TRERF1: variants seen among roughly 807,000 people sequenced by gnomAD.
The protein encoded by TRERF1 is transcriptional regulating factor 1.
In TRERF1, 27 loss-of-function variants were observed where a neutral mutation model predicts 122.9. The observed-to-expected ratio is 0.22, with a 90% CI of 0.16 to 0.30. The LOEUF (loss-of-function observed/expected upper bound fraction) is 0.30. Among genes scored for constraint, TRERF1 ranks in the 10% least tolerant of loss-of-function variants. TRERF1 has a pLI of 1.00. For missense variants in TRERF1, 1,248 were observed against 1,560.3 expected, an observed-to-expected ratio of 0.80 and a Z score of 3.37; for synonymous variants, 636 against 641.7, an observed-to-expected ratio of 0.99 and a Z score of 0.13.
chr6:42,434,989 G>T (rs1049426219), intron 2 of TRERF1, among the ~76,000 whole-genome samples: 10 of 152,108 alleles, frequency 6.6e-5, no homozygotes. Context: ...AGTTAGCTGG[G>T]CGTGGTGGTG....
intron 5 of TRERF1, 39 bp from the exon 6 acceptor site, chr6:42,265,836 G>GA (rs1476396838): frequency 1.2e-6 from 2 of 1,605,944 alleles, no homozygotes; most frequent in South Asian, 1.1e-5. Flanking sequence ...AAAAAGAAGA[G>GA]AAAAAAACGT....
Position 42,268,776 on chromosome 6 carries a change from G to T in TRERF1, c.815C>A (p.Pro272Gln), listed in dbSNP as rs145029506. The change falls in exon 5 of 18, where the codon CCG (proline) becomes CAG (glutamine). Residue 272 changes from proline to glutamine, a missense_variant. Pro to Gln is a moderately conservative substitution (Grantham distance 76). Around this residue, in one of 5 missense-constraint regions of TRERF1, gnomAD observed 946 missense variants for 1,073.0 expected, o/e 0.88. Transcript: ENST00000372922. This position sits in a 1 kb window ranked among gnomAD's most constrained non-coding sequence, Gnocchi z 4.4. ...TTGCCCGGCTTGCTGCTGTTGCTGCGGTGGGTAATACTGGTGCTGCTGCAT... is the reference window on the plus strand; with the variant it reads ...TTGCCCGGCTTGCTGCTGTTGCTGCTGTGGGTAATACTGGTGCTGCTGCAT... The T allele has an allele frequency of 8.5e-4, 1,370 of 1,613,982 alleles. 12 individuals carry two copies. The highest frequency in any genetic ancestry group is 1.4e-3 in the Admixed American group (86 of 60,000).
chr6:42,412,840 G>A (rs1225626797), intron 2 of TRERF1, among the ~76,000 whole-genome samples: 1 of 152,184 alleles, frequency 6.6e-6, no homozygotes, highest in African/African-American at 2.4e-5. Flanking sequence ...CAGCTACTAG[G>A]GAGGCTGAGG....
In TRERF1 at chr6:42,340,015, G is replaced by A. The variant is rs145895514; in HGVS notation, c.-371+22982C>T. 4.4e-3 allele frequency among the ~76,000 whole-genome samples: 664 copies of A among 152,260 alleles called. 3 individuals carry two copies. Among genetic ancestry groups the A allele is most frequent in the Non-Finnish European group, 5.9e-3 (404 of 68,006 alleles). On this transcript the variant is annotated intron_variant, in intron 3 of 17. Coordinates refer to ENST00000372922, the Ensembl canonical transcript of TRERF1. The stretch of plus-strand genomic sequence containing the variant: ...TATGAAGTGCTCAAAGGCAAGAACT[G>A]TGTCCAAATGGCACCACGTCTTTCC...
chr6:42,262,626 G>C (rs1390100255), intron 8 of TRERF1, among the ~76,000 whole-genome samples: 1 of 60,798 alleles, frequency 1.6e-5, no homozygotes, highest in Non-Finnish European at 4.0e-5. Flanking sequence ...CCTTCCCAGA[G>C]GCAAATTAAG....
chr6:42,323,194 G>GT lies in TRERF1; in HGVS notation c.-370-22446dup, dbSNP rs369315779. Among the ~76,000 whole-genome samples the GT allele has an allele frequency of 6.0e-3, 846 of 141,252 alleles. 1 individual carries two copies. Among genetic ancestry groups the GT allele is most frequent in the Admixed American group, 6.4e-3 (90 of 14,088 alleles). The allele number at this position is 141,252 out of a possible 152,430, so 92.7% of individuals were successfully genotyped here. On this transcript the variant is annotated intron_variant, in intron 3 of 17. Transcript: ENST00000372922. ...ATAAAGGAGGTGCAACTTTCCCCCA[G>GT]TTTTTTTTTTTTTTTTCCTTTTGAG...
In TRERF1 at chr6:42,416,203, T is replaced by G. The variant is rs562356856; in HGVS notation, c.-454+34974A>C. Among the ~76,000 whole-genome samples, 12 of 152,300 alleles carry G rather than the reference T, an allele frequency of 7.9e-5. No homozygotes were observed. In the East Asian group the frequency reaches 2.3e-3, roughly 29 times the overall value. ...TCTTGTTTGTCTTTTAGTTTTGCCT[T>G]TTCCTTCTAGGTTTTATACCTCTTA... On this transcript the variant is annotated intron_variant, in intron 2 of 17. Transcript: ENST00000372922.
chr6:42,259,687 C>G lies in TRERF1; in HGVS notation c.1921G>C (p.Ala641Pro), dbSNP rs755753614. ...TGCACGGTCTTGAGGGGCTCCTCGG[C>G]TTTGGGCACACTCGGCTGATGCTTC... The change falls in exon 9 of 18, where the codon GCC becomes CCC. Residue 641 changes from alanine (A) to proline (P), a missense_variant. Around this residue, in one of 5 missense-constraint regions of TRERF1, gnomAD observed 946 missense variants for 1,073.0 expected, o/e 0.88. Transcript: ENST00000372922. The surrounding 1 kb of genome is among the most constrained non-coding windows in gnomAD (Gnocchi z 4.9). 1 of 1,606,448 alleles carries G rather than the reference C, an allele frequency of 6.2e-7. No individual in the cohort carries two copies.
chr6:42,283,566 C>T (rs35061717), intron 4 of TRERF1, among the ~76,000 whole-genome samples: 4,000 of 144,692 alleles, frequency 0.028, 55 homozygotes, highest in Non-Finnish European at 0.037. Context: ...CATGTGAATA[C>T]ATTACTTACA....
At chr6:42,231,740 C>T (rs1446334672) in intron 17 of TRERF1, among the ~76,000 whole-genome samples, 3 of 152,164 alleles carry the variant, frequency 2.0e-5, no homozygotes, top group South Asian at 4.1e-4. Flanking sequence ...ACCCATCTTA[C>T]CATCAATGGC....
At position 42,263,282 on chromosome 6, in the gene TRERF1, C is replaced by G; in HGVS notation, c.1884+38G>C. The G allele has an allele frequency of 6.3e-7, 1 of 1,585,316 alleles. No homozygotes were observed. Among genetic ancestry groups the G allele is most frequent in the Non-Finnish European group, 8.6e-7 (1 of 1,163,768 alleles). On this transcript the variant is annotated intron_variant, in intron 8 of 17. Coordinates refer to ENST00000372922, the Ensembl canonical transcript of TRERF1. The surrounding 1 kb of genome is among the most constrained non-coding windows in gnomAD (Gnocchi z 5.6). ...CACAGCAGGCGTGCGGGGGGCAGCC[C>G]CTTGGGGTGAGTGTGGGGGAGAGAG...
intron 3 of TRERF1, among the ~76,000 whole-genome samples, chr6:42,345,367 A>G (rs1995870): frequency 6.6e-6 from 1 of 152,162 alleles, no homozygotes; most frequent in Non-Finnish European, 1.5e-5. Flanking sequence ...TTGGTTACAG[A>G]GGACCCGAGC....
rs1777484912 is a variant in TRERF1 at position 42,259,740 on chromosome 6, G to A, written c.1885-17C>T. On this transcript the variant is annotated splice_polypyrimidine_tract_variant and intron_variant, in intron 8 of 17. Transcript: ENST00000372922. The surrounding 1 kb of genome is among the most constrained non-coding windows in gnomAD (Gnocchi z 4.9). Reference sequence around the variant, plus strand: ...GGGGATTTCCTAAAACCGGAACAACGATCTGATTCGAATACTTCAGCTTCC... The same window carrying A: ...GGGGATTTCCTAAAACCGGAACAACAATCTGATTCGAATACTTCAGCTTCC... 3.1e-6 allele frequency: 5 copies of A among 1,599,996 alleles called. No individual in the cohort carries two copies. The highest frequency in any genetic ancestry group is 1.1e-5 in the South Asian group (1 of 91,056).
intron 2 of TRERF1, among the ~76,000 whole-genome samples, chr6:42,411,197 G>A (rs143001544): frequency 6.6e-6 from 1 of 152,320 alleles, no homozygotes; most frequent in East Asian, 1.9e-4. Context: ...CCTGAGAGTA[G>A]GACTAGTGAT....
chr6:42,249,810 T>C lies in TRERF1; in HGVS notation c.2657-3266A>G, dbSNP rs114774304. On this transcript the variant is annotated intron_variant, in intron 13 of 17. Coordinates refer to ENST00000372922, the Ensembl canonical transcript of TRERF1. Reference sequence around the variant, plus strand: ...AGTGCTCTGTGTGTGCATGTGTTAGTGTCTGCTCAACAGGGTGTCCACAAA... The same window carrying C: ...AGTGCTCTGTGTGTGCATGTGTTAGCGTCTGCTCAACAGGGTGTCCACAAA... Among the ~76,000 whole-genome samples, 386 of 152,302 alleles carry C rather than the reference T, an allele frequency of 2.5e-3. 1 individual carries two copies. Among genetic ancestry groups the C allele is most frequent in the African/African-American group, 8.9e-3 (369 of 41,568 alleles).
intron 3 of TRERF1, among the ~76,000 whole-genome samples, chr6:42,316,144 A>G (rs899280723): frequency 1.4e-4 from 22 of 152,288 alleles, no homozygotes; most frequent in Admixed American, 2.6e-4. Flanking sequence ...GCCAAAGTCA[A>G]GAAAGTCCAT....
rs1772073352 is a variant in TRERF1 at position 42,363,086 on chromosome 6, G to A, written c.-453-7C>T. ...CATTCTCCACAGCCAGGGCCTGCAG[G>A]AGTGACCCAAAGAGCACAGTCAGGA... is the stretch of plus-strand genomic sequence containing the variant. On this transcript the variant is annotated splice_polypyrimidine_tract_variant and splice_region_variant and intron_variant, in intron 2 of 17. Transcript: ENST00000372922. The A allele has an allele frequency of 6.5e-6, 1 of 153,072 alleles. No individual in the cohort carries two copies. The highest frequency in any genetic ancestry group is 6.5e-5 in the Admixed American group (1 of 15,280). The allele number at this position is 153,072 out of a possible 1,614,324, so 9.5% of individuals were successfully genotyped here. A position where few individuals can be genotyped will look rare whatever the true frequency, so the allele number is the denominator to read the frequency against.
chr6:42,387,064 C>G (rs2151202700), intron 2 of TRERF1, among the ~76,000 whole-genome samples: 1 of 152,316 alleles, frequency 6.6e-6, no homozygotes, highest in Middle Eastern at 3.4e-3. Flanking sequence ...GACTTGAGAA[C>G]TACTGTCCTA....
At chr6:42,240,750 T>A (rs1773495243) in intron 15 of TRERF1, among the ~76,000 whole-genome samples, 1 of 152,236 alleles carries the variant, frequency 6.6e-6, no homozygotes, top group Admixed American at 6.5e-5. Context: ...CAAGGACATA[T>A]GTTCTGTGTG....
Sources: allele counts gnomAD v4.1 joint callset (sites outside exome capture counted in the v4.1 genomes callset), GRCh38; gene constraint gnomAD v4.1.1; regional missense constraint gnomAD v4.1.1; non-coding constraint Gnocchi (gnomAD v3.1); transcripts MANE v1.5; gene names NCBI Gene and HGNC (gene_info 2026-07-23, HGNC 2026-07-21).